COL4A1: variants seen among roughly 807,000 people sequenced by gnomAD.
The protein encoded by COL4A1 is collagen alpha-1(IV) chain.
COL4A1 carries 40 observed loss-of-function variants against 216.6 expected under a neutral mutation model. The observed-to-expected ratio is 0.18, with a 90% CI of 0.14 to 0.24. COL4A1 has a LOEUF of 0.24. Among genes scored for constraint, COL4A1 ranks in the 10% least tolerant of loss-of-function variants. COL4A1 has a pLI of 1.00. For missense variants in COL4A1, 1,628 were observed against 2,196.8 expected (o/e 0.74, Z 5.18); for synonymous variants, 839 against 810.7 (o/e 1.03, Z -0.59).
Position 110,152,402 on chromosome 13 carries a change from C to T in COL4A1, c.4860G>A (p.Gly1620=). The T allele has an allele frequency of 1.2e-6, 2 of 1,614,202 alleles. No homozygotes were observed. Among genetic ancestry groups the T allele is most frequent in the South Asian group, 2.2e-5 (2 of 91,084 alleles). Residue 1620 remains glycine, a synonymous_variant, in exon 51 of 52, where the codon GGG becomes GGA. Coordinates refer to ENST00000375820, the MANE Select transcript of COL4A1 (RefSeq NM_001845.6). ...AAGCGTTTGCGTAGTAATTGCAGGT[C>T]CCACGGCCGTGACACTCGATGAATG... The part of the protein sequence containing the change: ...SAPFIECHGR[G]TCNYYANAYS...
In COL4A1 at chr13:110,162,285, G is replaced by A. The variant is rs149068853; in HGVS notation, c.4407C>T (p.His1469=). Residue 1469 remains histidine (H), a synonymous_variant, in exon 48 of 52, where the codon CAC becomes CAT. Coordinates refer to ENST00000375820, the MANE Select transcript of COL4A1 (RefSeq NM_001845.6). ...QCPSGTKILY[H]GYSLLYVQGN... ...CTTGCACGTAGAGCAAAGAGTACCC[G>A]TGGTAAAGAATTTTGGTCCCAGAAG... 3.7e-5 allele frequency: 60 copies of A among 1,614,208 alleles called. No homozygotes were observed. Among genetic ancestry groups the A allele is most frequent in the African/African-American group, 8.0e-5 (6 of 75,060 alleles).
chr13:110,170,831 G>C, intron 41 of COL4A1, 99 bp from the exon 42 acceptor site: 3 of 1,301,472 alleles, frequency 2.3e-6, no homozygotes, highest in Non-Finnish European at 3.3e-6. Context: ...GCCTCATCCT[G>C]TAGGTACCGC....
intron 1 of COL4A1, among the ~76,000 whole-genome samples, chr13:110,284,322 C>CT (rs1594115628): frequency 6.6e-6 from 1 of 152,198 alleles, no homozygotes; most frequent in East Asian, 1.9e-4. Context: ...AAGCATCTCT[C>CT]TAACATCTGA....
intron 1 of COL4A1, among the ~76,000 whole-genome samples, chr13:110,262,179 C>T (rs894363142): frequency 1.3e-5 from 2 of 152,114 alleles, no homozygotes; most frequent in Admixed American, 6.5e-5. Context: ...TAACGGTCAC[C>T]GCACCCCGAG....
At chr13:110,206,516 G>A in intron 15 of COL4A1, 149 bp downstream of exon 15, 1 of 882,264 alleles carries the variant, frequency 1.1e-6, no homozygotes, top group Non-Finnish European at 1.9e-6. Context: ...ATATAGCTCA[G>A]GAGAGTCTCG....
At chr13:110,279,015 C>G (rs924194626) in intron 1 of COL4A1, among the ~76,000 whole-genome samples, 13 of 152,194 alleles carry the variant, frequency 8.5e-5, no homozygotes, top group African/African-American at 2.7e-4. Context: ...ACGGTTGGCT[C>G]CTCTGCGGAA....
At chr13:110,303,695 A>G (rs1366655794) in intron 1 of COL4A1, among the ~76,000 whole-genome samples, 2 of 152,206 alleles carry the variant, frequency 1.3e-5, no homozygotes, top group Admixed American at 6.5e-5. Flanking sequence ...CAGTGTTCCT[A>G]TAGCCCTTCG....
intron 1 of COL4A1, among the ~76,000 whole-genome samples, chr13:110,285,496 T>C (rs1883805751): frequency 6.6e-6 from 1 of 152,206 alleles, no homozygotes; most frequent in African/African-American, 2.4e-5. Flanking sequence ...ACTGTGATTG[T>C]TAGTTTTATG....
At chr13:110,177,110 G>T in intron 33 of COL4A1, 73 bp from the exon 34 acceptor site, 2 of 1,600,786 alleles carry the variant, frequency 1.2e-6, no homozygotes, top group Non-Finnish European at 1.7e-6. Context: ...TCACGTTCTT[G>T]TTGACAGGGA....
chr13:110,169,793 G>C, intron 42 of COL4A1, 31 bp from the exon 43 acceptor site: 1 of 1,613,436 alleles, frequency 6.2e-7, no homozygotes, highest in Non-Finnish European at 8.5e-7. Context: ...CACACATTTG[G>C]GGTTAAATAT....
chr13:110,187,005 A>G, intron 25 of COL4A1, 133 bp downstream of exon 25: 1 of 1,206,424 alleles, frequency 8.3e-7, no homozygotes, highest in South Asian at 1.3e-5. Context: ...TGAACCATGA[A>G]TCATGAAACA....
intron 1 of COL4A1, chr13:110,265,338 G>A (rs2139282479): frequency 6.6e-6 from 1 of 152,350 alleles, no homozygotes; most frequent in East Asian, 1.9e-4. Flanking sequence ...GAAAAGGTGT[G>A]GGGTACATTC....
chr13:110,184,077 C>T (rs151207548), intron 26 of COL4A1, among the ~76,000 whole-genome samples: 4 of 152,314 alleles, frequency 2.6e-5, no homozygotes, highest in African/African-American at 9.6e-5. Context: ...TGACACACAC[C>T]CTGGGCACCA....
At chr13:110,227,942 C>T (rs1880819042) in intron 2 of COL4A1, among the ~76,000 whole-genome samples, 1 of 152,200 alleles carries the variant, frequency 6.6e-6, no homozygotes, top group Non-Finnish European at 1.5e-5. Context: ...CCTTCCTGGT[C>T]CCTGCGGTCC....
At chr13:110,288,274 A>AAAATAAC (rs1555316110) in intron 1 of COL4A1, among the ~76,000 whole-genome samples, 1 of 139,458 alleles carries the variant, frequency 7.2e-6, no homozygotes, top group Non-Finnish European at 1.5e-5. Flanking sequence ...AAAAAAAAAA[A>AAAATAAC]AATAATAATA....
intron 2 of COL4A1, among the ~76,000 whole-genome samples, chr13:110,214,560 TGTTA>T (rs1324901425): frequency 6.6e-6 from 1 of 152,098 alleles, no homozygotes; most frequent in Non-Finnish European, 1.5e-5. Flanking sequence ...CAGGTGTCAT[TGTTA>T]GTTGAGGCCC....
intron 45 of COL4A1, 80 bp from the exon 46 acceptor site, chr13:110,165,070 G>A (rs1286889046): frequency 7.7e-6 from 12 of 1,555,836 alleles, no homozygotes; most frequent in African/African-American, 1.4e-5. Context: ...AGAATCCCGG[G>A]TGAAGCTATC....
In COL4A1 at chr13:110,206,592, T is replaced by C. The variant is rs1376441028; in HGVS notation, c.858+73A>G. On this transcript the variant is annotated intron_variant, in intron 15 of 51. Coordinates refer to ENST00000375820, the MANE Select transcript of COL4A1 (RefSeq NM_001845.6). ...CCTACGAGCCTTTTCTGTTCTTGTG[T>C]TTCTGTGAATCTGCGATTTTCCGCA... 2.6e-6 allele frequency: 4 copies of C among 1,527,276 alleles called. No individual in the cohort carries two copies. In the African/African-American group the frequency reaches 4.1e-5, roughly 16 times the overall value. 94.6% of individuals were successfully genotyped at this position (1,527,276 alleles called of 1,614,324 possible). A position where few individuals can be genotyped will look rare whatever the true frequency, so the allele number is the denominator to read the frequency against.
chr13:110,188,304 C>A (rs1198555069), intron 24 of COL4A1, among the ~76,000 whole-genome samples: 1 of 152,190 alleles, frequency 6.6e-6, no homozygotes, highest in Non-Finnish European at 1.5e-5. Context: ...ATGTATGAAT[C>A]CCTCACATGC....
Sources: gnomAD v4.1 joint callset for allele counts (sites outside exome capture counted in the v4.1 genomes callset) on GRCh38, gnomAD v4.1.1 for gene constraint, MANE v1.5 for transcripts, NCBI Gene and HGNC (gene_info 2026-07-23, HGNC 2026-07-21) for gene names.